Variants in CHIC1 observed in about 807,000 individuals in gnomAD.
The protein encoded by CHIC1 is cysteine-rich hydrophobic domain-containing protein 1.
Under a neutral mutation model 18.5 loss-of-function variants are expected in CHIC1, and 7 were observed. The observed-to-expected ratio is 0.38, with a 90% CI of 0.22 to 0.71. The LOEUF (loss-of-function observed/expected upper bound fraction) is 0.71, where lower values mean the gene tolerates loss of function less well. Among genes scored for constraint, CHIC1 ranks in the 30% least tolerant of loss-of-function variants. The pLI is 0.49. For synonymous variants in CHIC1, 77 were observed against 73.5 expected (o/e 1.05, Z -0.25); for missense variants, 159 against 176.9 (o/e 0.90, Z 0.57).
chrX:73,663,883 C>T (rs2057992508), intron 3 of CHIC1, among the ~76,000 whole-genome samples: 1 of 111,447 alleles, frequency 9.0e-6, no homozygotes, highest in East Asian at 2.8e-4. Context: ...AGTATCTCAC[C>T]TTGATAATCA....
chrX:73,587,643 T>C (rs1313336133), intron 3 of CHIC1, among the ~76,000 whole-genome samples: 1 of 111,432 alleles, frequency 9.0e-6, no homozygotes, highest in East Asian at 2.8e-4. Flanking sequence ...AAGCATATGA[T>C]AGAAACAAAT....
At chrX:73,669,858 A>T (rs2058021512) in intron 3 of CHIC1, among the ~76,000 whole-genome samples, 2 of 111,998 alleles carry the variant, frequency 1.8e-5, no homozygotes, top group Non-Finnish European at 3.8e-5. Flanking sequence ...GGCCTGCAGA[A>T]CATGCTGCTC....
rs754844575 is a variant in CHIC1, at chrX:73,584,688, T to C, written c.507+116T>C. 7.7e-5 allele frequency: 40 copies of C among 520,638 alleles called. 1 individual carries two copies. In the South Asian group the frequency reaches 2.7e-3, roughly 36 times the overall value. The allele number at this position is 520,638 out of a possible 1,213,427, so 42.9% of individuals were successfully genotyped here. On this transcript the variant is annotated intron_variant, in intron 3 of 5. Coordinates refer to ENST00000373502, the MANE Select transcript of CHIC1 (RefSeq NM_001039840.4). Reference sequence around the variant, plus strand: ...ACAATTTAGTTAATTCTTGTAACAATGCTATCTTTATTTTAGAGATAAGGA... The same window carrying C: ...ACAATTTAGTTAATTCTTGTAACAACGCTATCTTTATTTTAGAGATAAGGA...
At position 73,604,427 on chromosome X, in the gene CHIC1, T is replaced by G. The variant is rs1043830851; in HGVS notation, c.507+19855T>G. 6.5e-4 allele frequency among the ~76,000 whole-genome samples: 70 copies of G among 108,312 alleles called. 2 individuals are homozygous for G. Among genetic ancestry groups the G allele is most frequent in the Middle Eastern group, 4.6e-3 (1 of 216 alleles). 94.1% of individuals were successfully genotyped at this position (108,312 alleles called of 115,157 possible). A position where few individuals can be genotyped will look rare whatever the true frequency, so the allele number is the denominator to read the frequency against. Reference sequence around the variant, plus strand: ...TCTTTTTTATTAGTCTGGCTAGCGGTCTATTTTGTTAATCTTTTCAAAAAA... The same window carrying G: ...TCTTTTTTATTAGTCTGGCTAGCGGGCTATTTTGTTAATCTTTTCAAAAAA... On this transcript the variant is annotated intron_variant, in intron 3 of 5. Transcript: ENST00000373502.
At chrX:73,592,210 C>T (rs576538177) in intron 3 of CHIC1, among the ~76,000 whole-genome samples, 26 of 110,685 alleles carry the variant, frequency 2.3e-4, no homozygotes, top group Non-Finnish European at 1.5e-4. Context: ...TGACTGATTG[C>T]TCTGTCTAGG....
rs1456854318 is a variant in CHIC1 at position 73,672,838 on chromosome X, C to T, written c.508-6488C>T. On this transcript the variant is annotated intron_variant, in intron 3 of 5. Transcript: ENST00000373502. ...TGGTGTTTTAGACATGAAGTCCTTG[C>T]CCATGCCTATGTCCTGAATGGTATT... 3.6e-5 allele frequency among the ~76,000 whole-genome samples: 4 copies of T among 111,652 alleles called. No individual in the cohort carries two copies. The East Asian group carries it at 1.1e-3, about 31-fold the overall frequency.
At position 73,687,096 on chromosome X, in the gene CHIC1, A is replaced by G. The variant is rs1251024292; in HGVS notation, c.*6091A>G. On this transcript the variant is annotated 3_prime_UTR_variant, in exon 6 of 6. Coordinates refer to ENST00000373502, the MANE Select transcript of CHIC1 (RefSeq NM_001039840.4). Reference sequence around the variant, plus strand: ...CAAATTTAAAATAAAGTGTAAATCTATGTTAATGAATTGAATTCTGTGTTT... The same window carrying G: ...CAAATTTAAAATAAAGTGTAAATCTGTGTTAATGAATTGAATTCTGTGTTT... 1.8e-5 allele frequency: 2 copies of G among 111,859 alleles called. No homozygotes were observed. Among genetic ancestry groups the G allele is most frequent in the East Asian group, 2.8e-4 (1 of 3,539 alleles). The allele number at this position is 111,859 out of a possible 1,213,427, so 9.2% of individuals were successfully genotyped here. A position where few individuals can be genotyped will look rare whatever the true frequency, so the allele number is the denominator to read the frequency against.
intron 3 of CHIC1, among the ~76,000 whole-genome samples, chrX:73,642,648 T>G (rs2057863579): frequency 1.8e-5 from 2 of 109,699 alleles, no homozygotes; most frequent in Non-Finnish European, 3.8e-5. Flanking sequence ...TTTTTATGGT[T>G]TTAGGTCTAA....
At chrX:73,668,791 C>T (rs989048984) in intron 3 of CHIC1, among the ~76,000 whole-genome samples, 32 of 112,392 alleles carry the variant, frequency 2.8e-4, no homozygotes, top group African/African-American at 1.0e-3. Context: ...TGACTGGAGA[C>T]CCGTTTGGTG....
intron 3 of CHIC1, among the ~76,000 whole-genome samples, chrX:73,656,434 G>T (rs1238908519): frequency 4.5e-5 from 5 of 111,920 alleles, no homozygotes; most frequent in Non-Finnish European, 9.4e-5. Context: ...ATAGTTTGGG[G>T]TTTTATATTT....
intron 1 of CHIC1, among the ~76,000 whole-genome samples, chrX:73,567,289 T>C (rs1420209035): frequency 9.1e-6 from 1 of 110,259 alleles, no homozygotes; most frequent in African/African-American, 3.3e-5. Context: ...CTTACTGTTA[T>C]CTTAAATTTG....
At chrX:73,651,711 A>G (rs766920789) in intron 3 of CHIC1, among the ~76,000 whole-genome samples, 17 of 111,470 alleles carry the variant, frequency 1.5e-4, no homozygotes, top group Non-Finnish European at 9.4e-5. Flanking sequence ...AAGGAGAACT[A>G]CAAACCACTG....
intron 3 of CHIC1, among the ~76,000 whole-genome samples, chrX:73,616,035 T>A (rs1250042604): frequency 1.8e-5 from 2 of 110,057 alleles, no homozygotes; most frequent in Non-Finnish European, 3.8e-5. Flanking sequence ...GTAGGGAAGA[T>A]CAATGGAGCT....
At chrX:73,674,408 A>G (rs946593590) in intron 3 of CHIC1, among the ~76,000 whole-genome samples, 37 of 111,888 alleles carry the variant, frequency 3.3e-4, no homozygotes, top group Admixed American at 2.2e-3. Context: ...CCTCAATGTC[A>G]GATCCTGTTA....
intron 3 of CHIC1, among the ~76,000 whole-genome samples, chrX:73,622,776 G>A (rs1260983713): frequency 8.9e-6 from 1 of 111,758 alleles, no homozygotes; most frequent in African/African-American, 3.3e-5. Flanking sequence ...TGATTATGAT[G>A]TTAGACTGTC....
At chrX:73,592,393 G>A (rs1477794904) in intron 3 of CHIC1, among the ~76,000 whole-genome samples, 2 of 111,563 alleles carry the variant, frequency 1.8e-5, no homozygotes, top group Non-Finnish European at 3.8e-5. Context: ...TTGATGGCTA[G>A]TTTGTTAAGG....
At chrX:73,572,420 GC>G (rs1176541099) in intron 1 of CHIC1, among the ~76,000 whole-genome samples, 7 of 110,765 alleles carry the variant, frequency 6.3e-5, no homozygotes, top group Non-Finnish European at 1.3e-4. Flanking sequence ...GCTGCGATGA[GC>G]ATATGGGCAC....
intron 3 of CHIC1, among the ~76,000 whole-genome samples, chrX:73,633,646 C>G (rs2057818404): frequency 9.0e-6 from 1 of 110,936 alleles, no homozygotes; most frequent in Non-Finnish European, 1.9e-5. Flanking sequence ...TTTTTCTGCT[C>G]CTTCATTGAC....
At chrX:73,668,342 T>C (rs949654800) in intron 3 of CHIC1, among the ~76,000 whole-genome samples, 2 of 112,115 alleles carry the variant, frequency 1.8e-5, no homozygotes, top group African/African-American at 6.5e-5. Flanking sequence ...ATTACCCACC[T>C]TCTGAAGCCT....
Sources: allele counts gnomAD v4.1 joint callset (sites outside exome capture counted in the v4.1 genomes callset), GRCh38; gene constraint gnomAD v4.1.1; transcripts MANE v1.5; gene names NCBI Gene and HGNC (gene_info 2026-07-23, HGNC 2026-07-21).